The following CSTPP1 variants were observed in gnomAD, a reference collection of about 807,000 sequenced individuals.
CSTPP1 encodes UPF0705 protein C11orf49.
At chr11:46,999,311 G>T in the CSTPP1 span, among the ~76,000 whole-genome samples, 1 of 151,770 alleles carries the variant, frequency 6.6e-6, no homozygotes, top group African/African-American at 2.4e-5. Context: ...TTTGAGATGG[G>T]TACTATTATT....
the CSTPP1 span, among the ~76,000 whole-genome samples, chr11:47,020,963 C>T: frequency 3.9e-5 from 6 of 152,270 alleles, no homozygotes; most frequent in South Asian, 2.1e-4. Flanking sequence ...CCAGAGATAA[C>T]GAAACCATGT....
chr11:47,045,665 A>G, the CSTPP1 span, among the ~76,000 whole-genome samples: 2 of 152,260 alleles, frequency 1.3e-5, no homozygotes, highest in Admixed American at 6.5e-5. Context: ...GCAAGAAATA[A>G]TTGAACCAAG....
chr11:47,073,501 T>C, the CSTPP1 span, among the ~76,000 whole-genome samples: 33 of 152,070 alleles, frequency 2.2e-4, no homozygotes, highest in African/African-American at 8.0e-4. Context: ...CAAAACCAAC[T>C]TGAGCAACAT....
At chr11:47,006,737 C>T in the CSTPP1 span, among the ~76,000 whole-genome samples, 16 of 150,506 alleles carry the variant, frequency 1.1e-4, no homozygotes, top group Non-Finnish European at 1.5e-4. Context: ...CACAGTTGCA[C>T]GCCACCACAC....
chr11:47,163,191 AAAG>A, the CSTPP1 span, among the ~76,000 whole-genome samples: 1 of 151,774 alleles, frequency 6.6e-6, no homozygotes, highest in Admixed American at 6.6e-5. Context: ...AAAAAAAAAA[AAAG>A]CTCAGGCTGC....
At chr11:46,963,682 G>A in the CSTPP1 span, among the ~76,000 whole-genome samples, 2 of 151,710 alleles carry the variant, frequency 1.3e-5, no homozygotes, top group Non-Finnish European at 1.5e-5. Context: ...CTACTCCGGA[G>A]GCTGAGGCAT....
the CSTPP1 span, among the ~76,000 whole-genome samples, chr11:47,037,928 G>A: frequency 3.2e-5 from 4 of 126,924 alleles, 2 homozygotes; most frequent in East Asian, 4.3e-4. Flanking sequence ...GGTGGTGGCC[G>A]GGCAGAGGGG....
the CSTPP1 span, among the ~76,000 whole-genome samples, chr11:46,966,187 C>T: frequency 2.6e-5 from 4 of 152,230 alleles, no homozygotes; most frequent in South Asian, 2.1e-4. Context: ...GGACTACAGA[C>T]GTGCGCCACC....
the CSTPP1 span, among the ~76,000 whole-genome samples, chr11:47,115,338 G>A: frequency 2.6e-5 from 4 of 152,140 alleles, no homozygotes; most frequent in Admixed American, 6.5e-5. Flanking sequence ...GATGATGCTG[G>A]CCTCATAAAA....
chr11:47,161,921 GTCC>G, the CSTPP1 span: 1 of 1,203,688 alleles, frequency 8.3e-7, no homozygotes, highest in Non-Finnish European at 1.0e-6. Flanking sequence ...TAGCCTGTTA[GTCC>G]TCCTAACCTC....
the CSTPP1 span, among the ~76,000 whole-genome samples, chr11:47,004,617 GC>G: frequency 1.3e-5 from 2 of 152,096 alleles, no homozygotes; most frequent in South Asian, 4.1e-4. Flanking sequence ...GCCTAAGAAA[GC>G]TTTTCTATCT....
At chr11:47,132,842 C>T in the CSTPP1 span, among the ~76,000 whole-genome samples, 1 of 152,114 alleles carries the variant, frequency 6.6e-6, no homozygotes, top group African/African-American at 2.4e-5. Context: ...ACCTTCAGAG[C>T]CTGTGCTAGG....
chr11:47,114,388 G>A, the CSTPP1 span, among the ~76,000 whole-genome samples: 1 of 152,212 alleles, frequency 6.6e-6, no homozygotes, highest in African/African-American at 2.4e-5. Flanking sequence ...TGTGAAGAAA[G>A]TCATTGGTAG....
chr11:47,053,273 G>A, the CSTPP1 span, among the ~76,000 whole-genome samples: 1 of 152,114 alleles, frequency 6.6e-6, no homozygotes, highest in Non-Finnish European at 1.5e-5. Flanking sequence ...GGTTAGGGGA[G>A]ATGAGACTGT....
chr11:47,151,848 C>T, the CSTPP1 span, among the ~76,000 whole-genome samples: 1 of 151,800 alleles, frequency 6.6e-6, no homozygotes, highest in African/African-American at 2.4e-5. Flanking sequence ...CCCTCCTGCT[C>T]GGCATATGTT....
the CSTPP1 span, among the ~76,000 whole-genome samples, chr11:47,071,910 C>T: frequency 6.6e-6 from 1 of 152,218 alleles, no homozygotes; most frequent in Non-Finnish European, 1.5e-5. Flanking sequence ...AGAGCACACA[C>T]TTCCCCTGCA....
At chr11:47,087,658 C>CACTG in the CSTPP1 span, among the ~76,000 whole-genome samples, 1 of 152,118 alleles carries the variant, frequency 6.6e-6, no homozygotes. Flanking sequence ...GAGATCGCAC[C>CACTG]ACTGCACTCC....
At chr11:47,015,304 TA>T in the CSTPP1 span, among the ~76,000 whole-genome samples, 235 of 142,104 alleles carry the variant, frequency 1.7e-3, no homozygotes, top group South Asian at 2.0e-3. Context: ...CCGTCTCTAC[TA>T]AAAAAAAAAA....
At chr11:47,157,866 C>T in the CSTPP1 span, 11 of 1,614,154 alleles carry the variant, frequency 6.8e-6, no homozygotes, top group Non-Finnish European at 9.3e-6. Flanking sequence ...CAGAGACTGA[C>T]CTTCTATGGA....
Sources: gnomAD v4.1 joint callset for allele counts (sites outside exome capture counted in the v4.1 genomes callset) on GRCh38, gnomAD v4.1.1 for gene constraint, MANE v1.5 for transcripts, NCBI Gene and HGNC (gene_info 2026-07-23, HGNC 2026-07-21) for gene names.